Variants in CYP39A1 observed in about 807,000 individuals in gnomAD.
The protein encoded by CYP39A1 is 24-hydroxycholesterol 7-alpha-hydroxylase.
Under a neutral mutation model 58.1 loss-of-function variants are expected in CYP39A1, and 49 were observed. The observed-to-expected ratio is 0.84, with a 90% CI of 0.67 to 1.07. The LOEUF (loss-of-function observed/expected upper bound fraction) is 1.07. Among genes scored for constraint, CYP39A1 ranks in the 50% least tolerant of loss-of-function variants. The pLI, the probability that CYP39A1 is intolerant of heterozygous loss-of-function variation, is 0.00. For synonymous variants in CYP39A1, 209 were observed against 187.6 expected (o/e 1.11, Z -0.93); for missense variants, 531 against 539.4 (o/e 0.98, Z 0.16).
intron 6 of CYP39A1, among the ~76,000 whole-genome samples, chr6:46,629,828 C>T (rs1775538656): frequency 6.6e-6 from 1 of 152,122 alleles, no homozygotes; most frequent in Non-Finnish European, 1.5e-5. Flanking sequence ...ATATAAGTAG[C>T]ATCTTAGGCT....
chr6:46,593,475 C>T (rs536662128), intron 8 of CYP39A1, among the ~76,000 whole-genome samples: 2 of 151,914 alleles, frequency 1.3e-5, no homozygotes, highest in South Asian at 4.2e-4. Flanking sequence ...GACAGAGACC[C>T]TGTCTCAAAA....
intron 7 of CYP39A1, among the ~76,000 whole-genome samples, chr6:46,604,265 C>T (rs142418831): frequency 3.3e-5 from 5 of 152,262 alleles, no homozygotes; most frequent in African/African-American, 2.4e-5. Context: ...AAGACTGTGG[C>T]CCAATTCTCT....
rs1159401151 is a variant in CYP39A1, at chr6:46,630,939, C to T, written c.840+24G>A. 26 of 1,529,618 alleles carry T rather than the reference C, an allele frequency of 1.7e-5. No homozygotes were observed. The East Asian group carries it at 5.6e-4, about 33-fold the overall frequency. The allele number at this position is 1,529,618 out of a possible 1,614,324, so 94.8% of individuals were successfully genotyped here. A position where few individuals can be genotyped will look rare whatever the true frequency, so the allele number is the denominator to read the frequency against. Reference sequence around the variant, plus strand: ...GAAAGGACAGTGGAGAGCAACGTAACTCATACTTTACTAATATACTTACAG... The same window carrying T: ...GAAAGGACAGTGGAGAGCAACGTAATTCATACTTTACTAATATACTTACAG... On this transcript the variant is annotated intron_variant, in intron 6 of 11. Transcript: ENST00000275016.
At chr6:46,645,817 AC>A (rs1762288114) in intron 1 of CYP39A1, among the ~76,000 whole-genome samples, 1 of 151,942 alleles carries the variant, frequency 6.6e-6, no homozygotes, top group African/African-American at 2.4e-5. Context: ...CTCCCTTAAG[AC>A]CTTTGATTTT....
chr6:46,620,104 GA>G (rs1375854394), intron 7 of CYP39A1, among the ~76,000 whole-genome samples: 2 of 151,886 alleles, frequency 1.3e-5, no homozygotes, highest in Admixed American at 6.6e-5. Context: ...GTCTATTCAA[GA>G]AAAAAACAGT....
chr6:46,551,369 G>GAAAA (rs200719212), intron 11 of CYP39A1, among the ~76,000 whole-genome samples: 5 of 100,296 alleles, frequency 5.0e-5, no homozygotes, highest in Non-Finnish European at 8.6e-5. Flanking sequence ...AAAGTAAAAT[G>GAAAA]AAAAAAAAAA....
chr6:46,636,118 CTG>C (rs1344648321), intron 5 of CYP39A1, among the ~76,000 whole-genome samples: 1 of 152,182 alleles, frequency 6.6e-6, no homozygotes, highest in Non-Finnish European at 1.5e-5. Flanking sequence ...ACACAGCCAA[CTG>C]TATGATAACA....
At chr6:46,621,906 T>G (rs550940376) in intron 7 of CYP39A1, among the ~76,000 whole-genome samples, 2 of 152,204 alleles carry the variant, frequency 1.3e-5, no homozygotes, top group African/African-American at 4.8e-5. Context: ...AAAAAAATAC[T>G]TCAAAAAATA....
At chr6:46,624,422 G>T (rs1048439224) in intron 7 of CYP39A1, among the ~76,000 whole-genome samples, 2 of 152,018 alleles carry the variant, frequency 1.3e-5, no homozygotes, top group South Asian at 2.1e-4. Flanking sequence ...AGCATTGTTG[G>T]CATTCAATGA....
At position 46,595,882 on chromosome 6, in the gene CYP39A1, C is replaced by T. The variant is rs560989353; in HGVS notation, c.1065+105G>A. 1.0e-5 allele frequency: 11 copies of T among 1,079,896 alleles called. No homozygotes were observed. In the African/African-American group the frequency reaches 1.5e-4, roughly 14 times the overall value. The allele number at this position is 1,079,896 out of a possible 1,614,324, so 66.9% of individuals were successfully genotyped here. ...ACAAATATATAAAATATTTATTTGT[C>T]AAGTAAAAATAAATCAAGATATGTC... On this transcript the variant is annotated intron_variant, in intron 8 of 11. Coordinates refer to ENST00000275016, the MANE Select transcript of CYP39A1 (RefSeq NM_016593.5).
At chr6:46,563,707 G>A (rs909192427) in intron 10 of CYP39A1, among the ~76,000 whole-genome samples, 4 of 152,298 alleles carry the variant, frequency 2.6e-5, no homozygotes, top group Middle Eastern at 3.4e-3. Context: ...GCTACACCAT[G>A]AGGGCAAAAG....
intron 1 of CYP39A1, among the ~76,000 whole-genome samples, chr6:46,649,096 G>T (rs1362420428): frequency 6.6e-6 from 1 of 152,164 alleles, no homozygotes; most frequent in East Asian, 1.9e-4. Flanking sequence ...CTAAAGATTG[G>T]GTTCTAGCCA....
At chr6:46,572,033 T>C (rs1267556447) in intron 10 of CYP39A1, among the ~76,000 whole-genome samples, 1 of 152,126 alleles carries the variant, frequency 6.6e-6, no homozygotes, top group Admixed American at 6.5e-5. Flanking sequence ...CATTTGCCTA[T>C]GGAAACTCTA....
chr6:46,620,372 C>T (rs1295942630), intron 7 of CYP39A1, among the ~76,000 whole-genome samples: 4 of 152,124 alleles, frequency 2.6e-5, no homozygotes, highest in African/African-American at 9.7e-5. Context: ...TTTGACATGA[C>T]TTGGAGCTCA....
At chr6:46,568,714 T>C (rs935399531) in intron 10 of CYP39A1, among the ~76,000 whole-genome samples, 1 of 152,114 alleles carries the variant, frequency 6.6e-6, no homozygotes, top group African/African-American at 2.4e-5. Context: ...CCAGGGTCTA[T>C]TTCTGGGCTC....
intron 1 of CYP39A1, among the ~76,000 whole-genome samples, chr6:46,643,100 C>T (rs1258135893): frequency 6.6e-6 from 1 of 152,108 alleles, no homozygotes; most frequent in Non-Finnish European, 1.5e-5. Flanking sequence ...TCTTAGCAAC[C>T]TTTGAACATA....
chr6:46,627,207 C>T (rs1775364931), intron 6 of CYP39A1, among the ~76,000 whole-genome samples: 1 of 152,140 alleles, frequency 6.6e-6, no homozygotes, highest in Non-Finnish European at 1.5e-5. Flanking sequence ...CAGGTCCCTC[C>T]CTTTACATGT....
At chr6:46,594,383 A>G (rs926492076) in intron 8 of CYP39A1, among the ~76,000 whole-genome samples, 12 of 151,994 alleles carry the variant, frequency 7.9e-5, no homozygotes, top group African/African-American at 2.7e-4. Flanking sequence ...AAAAACCTGA[A>G]TCATCACACT....
rs553383271 is a variant in CYP39A1 at position 46,607,472 on chromosome 6, C to CAT, written c.932-11353_932-11352insAT. 2.3e-3 allele frequency among the ~76,000 whole-genome samples: 346 copies of CAT among 151,692 alleles called. 3 individuals are homozygous for CAT. The highest frequency in any genetic ancestry group is 8.0e-3 in the African/African-American group (332 of 41,344). The stretch of plus-strand genomic sequence containing the variant: ...TTCAAGCCCCTTCCCCCTACACACA[C>CAT]ACACACACACACACACACATGCATA... On this transcript the variant is annotated intron_variant, in intron 7 of 11. Transcript: ENST00000275016.
Sources: gnomAD v4.1 joint callset for allele counts (sites outside exome capture counted in the v4.1 genomes callset) on GRCh38, gnomAD v4.1.1 for gene constraint, MANE v1.5 for transcripts, NCBI Gene and HGNC (gene_info 2026-07-23, HGNC 2026-07-21) for gene names.